The following TENM1 variants were observed in gnomAD, a reference collection of about 807,000 sequenced individuals.
TENM1 encodes the protein teneurin transmembrane protein 1, also known as teneurin-1.
Under a neutral mutation model 174.8 loss-of-function variants are expected in TENM1, and 35 were observed. That is an observed-to-expected ratio of 0.20 (90% CI 0.15 to 0.27). The LOEUF (loss-of-function observed/expected upper bound fraction) is 0.27. Ranked by LOEUF, TENM1 falls within the 10% of genes least tolerant of loss-of-function variation. TENM1 has a pLI of 1.00. For synonymous variants in TENM1, 781 were observed against 798.7 expected, an observed-to-expected ratio of 0.98 and a Z score of 0.37; for missense variants, 1,633 against 2,130.1, an observed-to-expected ratio of 0.77 and a Z score of 4.59.
chrX:124,616,170 T>C (rs953241214), intron 11 of TENM1, among the ~76,000 whole-genome samples: 2 of 112,674 alleles, frequency 1.8e-5, no homozygotes, highest in Non-Finnish European at 3.7e-5. Context: ...TTCTAATTGA[T>C]ACCACAGCAA....
intron 19 of TENM1, among the ~76,000 whole-genome samples, chrX:124,501,612 A>G (rs1292854299): frequency 1.8e-5 from 2 of 111,869 alleles, no homozygotes; most frequent in Non-Finnish European, 1.9e-5. Flanking sequence ...CTAAAGAGTT[A>G]CGTTTTTTTC....
intron 10 of TENM1, among the ~76,000 whole-genome samples, chrX:124,642,866 G>T (rs781354707): frequency 6.7e-4 from 75 of 112,309 alleles, no homozygotes; most frequent in African/African-American, 2.3e-3. Context: ...ATAACTAATC[G>T]TAATGAGGAC....
chrX:125,192,233 T>C, the TENM1 span, among the ~76,000 whole-genome samples: 8 of 112,384 alleles, frequency 7.1e-5, no homozygotes, highest in Non-Finnish European at 1.5e-4. Context: ...ATGCATGGCA[T>C]GTTTAAAGAA....
the TENM1 span, among the ~76,000 whole-genome samples, chrX:125,127,176 T>C: frequency 9.0e-6 from 1 of 111,634 alleles, no homozygotes; most frequent in South Asian, 3.7e-4. Flanking sequence ...GAAACTATCC[T>C]AGATTGCTAC....
intron 5 of TENM1, among the ~76,000 whole-genome samples, chrX:124,691,877 TGTG>T (rs758834170): frequency 2.3e-4 from 26 of 111,713 alleles, no homozygotes; most frequent in South Asian, 7.5e-4. Flanking sequence ...TAATTTAACA[TGTG>T]GTGTGTTCGT....
At chrX:124,894,803 T>A (rs184585560) in intron 2 of TENM1, among the ~76,000 whole-genome samples, 1 of 111,825 alleles carries the variant, frequency 8.9e-6, no homozygotes, top group East Asian at 2.8e-4. Flanking sequence ...AAAACTGTAG[T>A]GACCAGTCAA....
At chrX:124,945,220 G>GT (rs1213937603) in intron 1 of TENM1, among the ~76,000 whole-genome samples, 1 of 111,787 alleles carries the variant, frequency 8.9e-6, no homozygotes, top group South Asian at 3.8e-4. Context: ...AGAGGGAATA[G>GT]TGATTGCCTA....
chrX:124,741,328 T>C lies in TENM1; in HGVS notation c.536-4131A>G, dbSNP rs1464693138. On this transcript the variant is annotated intron_variant, in intron 3 of 31. Coordinates refer to ENST00000422452, the Ensembl canonical transcript of TENM1. Reference sequence around the variant, plus strand: ...CTTTCACAAGAAATTAGAGTATCTCTGCTCAGAAATACTGTGGCAACTTAT... The same window carrying C: ...CTTTCACAAGAAATTAGAGTATCTCCGCTCAGAAATACTGTGGCAACTTAT... Among the ~76,000 whole-genome samples, 17 of 112,112 alleles carry C rather than the reference T, an allele frequency of 1.5e-4. No individual in the cohort carries two copies. In the Admixed American group the frequency reaches 1.6e-3, roughly 11 times the overall value.
At chrX:125,078,254 G>T in the TENM1 span, among the ~76,000 whole-genome samples, 1 of 111,605 alleles carries the variant, frequency 9.0e-6, no homozygotes, top group African/African-American at 3.2e-5. Context: ...TTGTCACATG[G>T]TTACTGAAAA....
At chrX:125,020,779 G>A in the TENM1 span, among the ~76,000 whole-genome samples, 1 of 111,037 alleles carries the variant, frequency 9.0e-6, no homozygotes, top group African/African-American at 3.3e-5. Context: ...GAAATATCTG[G>A]TTTTATTGTC....
the TENM1 span, among the ~76,000 whole-genome samples, chrX:125,096,034 G>A: frequency 3.6e-5 from 4 of 111,985 alleles, no homozygotes; most frequent in African/African-American, 1.3e-4. Flanking sequence ...ATGGTTTATA[G>A]AGTGATACCA....
intron 3 of TENM1, among the ~76,000 whole-genome samples, chrX:124,776,249 A>G (rs2148630318): frequency 8.9e-6 from 1 of 111,914 alleles, no homozygotes; most frequent in East Asian, 2.8e-4. Flanking sequence ...CAGGAAGCAT[A>G]AAACTGAACC....
chrX:125,188,772 A>T, the TENM1 span, among the ~76,000 whole-genome samples: 1 of 112,183 alleles, frequency 8.9e-6, no homozygotes, highest in Admixed American at 9.4e-5. Flanking sequence ...ACTAGGCTGA[A>T]GTGGTGCTCT....
At chrX:124,460,879 A>G (rs1175264329) in intron 22 of TENM1, among the ~76,000 whole-genome samples, 1 of 111,776 alleles carries the variant, frequency 8.9e-6, no homozygotes, top group African/African-American at 3.3e-5. Context: ...TGGCTTAAGA[A>G]GGTTCAGAAA....
chrX:125,164,425 T>G, the TENM1 span, among the ~76,000 whole-genome samples: 1 of 111,665 alleles, frequency 9.0e-6, no homozygotes, highest in South Asian at 3.7e-4. Context: ...CTTCTTAATC[T>G]CTCCAGATTG....
chrX:124,864,359 G>A (rs1168199886), intron 3 of TENM1, among the ~76,000 whole-genome samples: 2 of 111,815 alleles, frequency 1.8e-5, no homozygotes, highest in Non-Finnish European at 3.8e-5. Flanking sequence ...ATAACAAAAA[G>A]AAGGAATTCA....
At chrX:124,404,747 C>G (rs909996635) in intron 27 of TENM1, among the ~76,000 whole-genome samples, 1 of 111,076 alleles carries the variant, frequency 9.0e-6, no homozygotes, top group African/African-American at 3.3e-5. Context: ...ATTTCTCCAG[C>G]CAGACTTTCT....
chrX:124,757,567 A>T (rs1335906731), intron 3 of TENM1, among the ~76,000 whole-genome samples: 1 of 112,518 alleles, frequency 8.9e-6, no homozygotes, highest in Non-Finnish European at 1.9e-5. Context: ...GAAATGCAGA[A>T]ATCAGCCGTC....
chrX:124,432,180 C>G (rs988717947), intron 23 of TENM1, among the ~76,000 whole-genome samples: 1 of 111,610 alleles, frequency 9.0e-6, no homozygotes, highest in African/African-American at 3.3e-5. Context: ...TAAGGGCCAT[C>G]GCTCTTTTAG....
Sources: allele counts gnomAD v4.1 joint callset (sites outside exome capture counted in the v4.1 genomes callset), GRCh38; gene constraint gnomAD v4.1.1; transcripts MANE v1.5; gene names NCBI Gene and HGNC (gene_info 2026-07-23, HGNC 2026-07-21).